The following ADGRV1 variants were observed in gnomAD, a reference collection of about 807,000 sequenced individuals.
ADGRV1 encodes the protein G-protein coupled receptor 98.
Under a neutral mutation model 596.2 loss-of-function variants are expected in ADGRV1, and 359 were observed. That is an observed-to-expected ratio of 0.60 (90% confidence interval 0.55 to 0.66). ADGRV1 has a LOEUF of 0.66. Ranked by LOEUF, ADGRV1 falls within the 30% of genes least tolerant of loss-of-function variation. ADGRV1 has a pLI of 0.00. For missense variants in ADGRV1, 7,274 were observed against 7,575.6 expected, an observed-to-expected ratio of 0.96 and a Z score of 1.48; for synonymous variants, 2,681 against 2,679.2, an observed-to-expected ratio of 1.00 and a Z score of -0.02.
At chr5:91,074,398 C>T (rs1213715413) in intron 86 of ADGRV1, among the ~76,000 whole-genome samples, 1 of 152,166 alleles carries the variant, frequency 6.6e-6, no homozygotes, top group Admixed American at 6.6e-5. Flanking sequence ...TCAATATTTA[C>T]TCCCACTTAT....
Position 90,855,767 on chromosome 5 carries a change from A to G in ADGRV1, c.17621A>G (p.Lys5874Arg), listed in dbSNP as rs199516167. 26 of 1,590,362 alleles carry G rather than the reference A, an allele frequency of 1.6e-5. No individual in the cohort carries two copies. Among genetic ancestry groups the G allele is most frequent in the Non-Finnish European group, 2.1e-5 (24 of 1,168,660 alleles). The change falls in exon 82 of 90, where the codon AAA becomes AGA. Residue 5874 changes from lysine (K) to arginine (R), a missense_variant. Lys to Arg is a conservative substitution (Grantham distance 26). This residue lies in a region of ADGRV1 where 1,874 missense variants were observed against 1,970.2 expected (regional missense o/e 0.95). Transcript: ENST00000405460. ...ASWLSDSQFCKVVEETADYVE... is the reference protein window; with the variant it reads ...ASWLSDSQFCRVVEETADYVE... The stretch of plus-strand genomic sequence containing the variant: ...TGGTTGTCTGACAGTCAGTTTTGCA[A>G]AGTGGTTGAGGAAACTGCAGACTAT...
chr5:90,708,892 C>G lies in ADGRV1; in HGVS notation c.8807C>G (p.Ser2936Ter), dbSNP rs1554090072. ...YVGLTMAAST[S>*]FPPRLDSEGL... ...GGACTTACCATGGCTGCTTCAACTT[C>G]ATTTCCTCCCAGACTAGGTATGAGG... Residue 2936 changes from serine to a stop codon, truncating the protein, a stop_gained, in exon 39 of 90, where the codon TCA becomes TGA. Transcript: ENST00000405460. LOFTEE classifies it high-confidence loss of function. The G allele has an allele frequency of 1.9e-6, 3 of 1,610,020 alleles. No individual in the cohort carries two copies. The highest frequency in any genetic ancestry group is 1.7e-6 in the Non-Finnish European group (2 of 1,176,696).
In ADGRV1 at chr5:90,745,302, C is replaced by G. The variant is rs78154615; in HGVS notation, c.10769+37C>G. 1.8e-5 allele frequency: 23 copies of G among 1,305,698 alleles called. No individual in the cohort carries two copies. The East Asian group carries it at 5.3e-4, about 30-fold the overall frequency. 80.9% of individuals were successfully genotyped at this position (1,305,698 alleles called of 1,614,324 possible). A position where few individuals can be genotyped will look rare whatever the true frequency, so the allele number is the denominator to read the frequency against. ...ATTTTTTGCTAAGTATCTTTATGTT[C>G]ACTGTAATTTTGTATGACAGCTCAT... On this transcript the variant is annotated intron_variant, in intron 51 of 89. Transcript: ENST00000405460.
chr5:91,135,975 C>T (rs1331401723), intron 87 of ADGRV1, among the ~76,000 whole-genome samples: 1 of 151,984 alleles, frequency 6.6e-6, no homozygotes, highest in Admixed American at 6.6e-5. Flanking sequence ...CAGAGGGAAC[C>T]ACAAGTCCAC....
At chr5:90,692,582 G>A (rs774795945) in intron 31 of ADGRV1, 23 bp from the exon 32 acceptor site, 2 of 1,575,450 alleles carry the variant, frequency 1.3e-6, no homozygotes, top group Non-Finnish European at 1.7e-6. Context: ...ATGCTGTTAA[G>A]GAAGTTTTCA....
chr5:90,689,193 G>A (rs1746125877), intron 29 of ADGRV1, among the ~76,000 whole-genome samples: 1 of 152,090 alleles, frequency 6.6e-6, no homozygotes, highest in African/African-American at 2.4e-5. Flanking sequence ...TACCTAACTG[G>A]TGTAGGCTGG....
chr5:90,637,615 A>G (rs923676214), intron 10 of ADGRV1, 110 bp from the exon 11 acceptor site: 3 of 652,676 alleles, frequency 4.6e-6, no homozygotes, highest in African/African-American at 1.8e-5. Flanking sequence ...TATATAGAAT[A>G]CATATGTTCA....
chr5:90,760,610 C>A (rs6872705), intron 58 of ADGRV1, among the ~76,000 whole-genome samples: 1 of 152,074 alleles, frequency 6.6e-6, no homozygotes, highest in Non-Finnish European at 1.5e-5. Context: ...ATTTATATTA[C>A]CCACTGTTAT....
intron 75 of ADGRV1, among the ~76,000 whole-genome samples, chr5:90,818,314 GCT>G (rs1337382175): frequency 6.6e-6 from 1 of 151,336 alleles, no homozygotes; most frequent in Non-Finnish European, 1.5e-5. Context: ...GAGATTTTGG[GCT>G]GAGACAATGG....
intron 4 of ADGRV1, among the ~76,000 whole-genome samples, chr5:90,622,065 A>G (rs1764155149): frequency 6.6e-6 from 1 of 152,116 alleles, no homozygotes; most frequent in African/African-American, 2.4e-5. Context: ...TTCTACCCTG[A>G]GTTTCCACCA....
intron 74 of ADGRV1, among the ~76,000 whole-genome samples, chr5:90,814,705 T>C (rs1287490169): frequency 9.2e-5 from 14 of 152,198 alleles, no homozygotes; most frequent in Admixed American, 8.5e-4. Context: ...TCCCCAGACA[T>C]GCAAAACTGT....
chr5:91,028,159 T>C (rs1226653310), intron 85 of ADGRV1, among the ~76,000 whole-genome samples: 1 of 152,024 alleles, frequency 6.6e-6, no homozygotes, highest in Non-Finnish European at 1.5e-5. Context: ...AGCTTCTGCT[T>C]CTGAATCCTC....
intron 83 of ADGRV1, among the ~76,000 whole-genome samples, chr5:90,902,956 A>G (rs750417330): frequency 1.3e-5 from 2 of 152,140 alleles, no homozygotes; most frequent in African/African-American, 4.8e-5. Flanking sequence ...TTCGAAAGGG[A>G]TGGAAAAATC....
At chr5:90,715,425 A>G (rs1749956906) in intron 42 of ADGRV1, among the ~76,000 whole-genome samples, 1 of 152,170 alleles carries the variant, frequency 6.6e-6, no homozygotes, top group Non-Finnish European at 1.5e-5. Context: ...TAAATTTGCA[A>G]CAGTTCTGTC....
intron 85 of ADGRV1, among the ~76,000 whole-genome samples, chr5:90,992,486 A>C (rs1475907985): frequency 1.3e-5 from 2 of 152,202 alleles, no homozygotes; most frequent in Non-Finnish European, 2.9e-5. Context: ...CAGAAGGTGG[A>C]ACCTAGGTGT....
chr5:90,653,331 G>C lies in ADGRV1; in HGVS notation c.3757G>C (p.Val1253Leu). ...ILDPECLERE[V>L]AEDVLSEDDM... ...GGATCCAGAGTGTTTAGAGAGAGAA[G>C]TGGCAGAAGATGTCCTGTCTGAAGA... Residue 1253 changes from valine (V) to leucine (L), a missense_variant, in exon 20 of 90, where the codon GTG (valine) becomes CTG (leucine). Transcript: ENST00000405460. 2 of 1,613,954 alleles carry C rather than the reference G, an allele frequency of 1.2e-6. No homozygotes were observed. Among genetic ancestry groups the C allele is most frequent in the Non-Finnish European group, 1.7e-6 (2 of 1,179,874 alleles).
chr5:90,883,808 T>G (rs1294778216), intron 83 of ADGRV1, among the ~76,000 whole-genome samples: 1 of 152,168 alleles, frequency 6.6e-6, no homozygotes, highest in Non-Finnish European at 1.5e-5. Context: ...TTGCAGTAAC[T>G]AGACCTCTGC....
chr5:91,074,681 T>A (rs1290813860), intron 86 of ADGRV1, among the ~76,000 whole-genome samples: 1 of 152,220 alleles, frequency 6.6e-6, no homozygotes, highest in Non-Finnish European at 1.5e-5. Context: ...TTCCTTTGGG[T>A]ACATACCCAG....
At chr5:91,021,909 G>A (rs1316776832) in intron 85 of ADGRV1, among the ~76,000 whole-genome samples, 6 of 152,014 alleles carry the variant, frequency 3.9e-5, no homozygotes, top group Non-Finnish European at 5.9e-5. Context: ...ATATACATCC[G>A]AGAAACAGCC....
Sources: gnomAD v4.1 joint callset for allele counts (sites outside exome capture counted in the v4.1 genomes callset) on GRCh38, gnomAD v4.1.1 for gene constraint, gnomAD v4.1.1 regional missense constraint, MANE v1.5 for transcripts, NCBI Gene and HGNC (gene_info 2026-07-23, HGNC 2026-07-21) for gene names.